Variants in DTX4 observed in about 807,000 individuals in gnomAD.
DTX4 encodes E3 ubiquitin-protein ligase DTX4.
In DTX4, 28 loss-of-function variants were observed where a neutral mutation model predicts 57.6. The ratio of observed to expected loss-of-function variants is 0.49; its 90% CI spans 0.36 to 0.67. The LOEUF is 0.67. Ranked by LOEUF, DTX4 falls within the 30% of genes least tolerant of loss-of-function variation. The pLI is 0.00. For missense variants in DTX4, 715 were observed against 836.8 expected (o/e 0.85, Z 1.80); for synonymous variants, 316 against 331.0 (o/e 0.95, Z 0.49).
Position 59,207,220 on chromosome 11 carries a change from T to C in DTX4, c.*2311T>C, listed in dbSNP as rs1055879465. The C allele has an allele frequency of 6.6e-6, 1 of 152,312 alleles. No homozygotes were observed. Among genetic ancestry groups the C allele is most frequent in the Middle Eastern group, 3.4e-3 (1 of 294 alleles). 9.4% of individuals were successfully genotyped at this position (152,312 alleles called of 1,614,324 possible). A position where few individuals can be genotyped will look rare whatever the true frequency, so the allele number is the denominator to read the frequency against. On this transcript the variant is annotated 3_prime_UTR_variant, in exon 9 of 9. Transcript: ENST00000227451. ...AGACTTTCAAAATGGAATTAGGCACTGGGGAGAGATCAGTTTCCCCACATC... is the reference window on the plus strand; with the variant it reads ...AGACTTTCAAAATGGAATTAGGCACCGGGGAGAGATCAGTTTCCCCACATC...
In DTX4 at chr11:59,189,190, G is replaced by C; in HGVS notation, c.1026G>C (p.Ala342=). The C allele has an allele frequency of 6.2e-7, 1 of 1,613,642 alleles. No individual in the cohort carries two copies. Among genetic ancestry groups the C allele is most frequent in the Non-Finnish European group, 8.5e-7 (1 of 1,179,862 alleles). The part of the protein sequence containing the change: ...AGITGILMSA[A]GLPVCLTRPP... Reference sequence around the variant, plus strand: ...TCACTGGGATCCTCATGAGTGCAGCGGGGCTGCCTGTGTGTCTCACCAGGC... The same window carrying C: ...TCACTGGGATCCTCATGAGTGCAGCCGGGCTGCCTGTGTGTCTCACCAGGC... The change falls in exon 4 of 9, where the codon GCG becomes GCC. Residue 342 remains alanine (A), a synonymous_variant. Transcript: ENST00000227451.
chr11:59,172,531 C>G lies in DTX4; in HGVS notation c.-65C>G. On this transcript the variant is annotated 5_prime_UTR_variant, in exon 1 of 9. Transcript: ENST00000227451. ...CCGGAGGCGGCGGCGCAGGAGGAAG[C>G]GGAGGAGGTCGGGCGCTCGGGGCCC... 3 of 1,139,084 alleles carry G rather than the reference C, an allele frequency of 2.6e-6. No individual in the cohort carries two copies. The highest frequency in any genetic ancestry group is 3.4e-6 in the Non-Finnish European group (3 of 890,308). 70.6% of individuals were successfully genotyped at this position (1,139,084 alleles called of 1,614,324 possible).
At chr11:59,195,179 AT>A in intron 6 of DTX4, 28 bp from the exon 7 acceptor site, 1 of 1,613,606 alleles carries the variant, frequency 6.2e-7, no homozygotes, top group Non-Finnish European at 8.5e-7. Flanking sequence ...CTGTTTCCCA[AT>A]CTGGCTCTTC....
rs766052306 is a variant in DTX4, at chr11:59,182,353, A to C, written c.826A>C (p.Ser276Arg). ...PTGTTMGSPA[S>R]PPGPNSKTGR... Reference sequence around the variant, plus strand: ...TGGGACAACCATGGGCTCTCCTGCCAGTCCCCCAGGACCCAACAGCAAGAC... The same window carrying C: ...TGGGACAACCATGGGCTCTCCTGCCCGTCCCCCAGGACCCAACAGCAAGAC... The change falls in exon 2 of 9, where the codon AGT becomes CGT. Residue 276 changes from serine to arginine, a missense_variant. Coordinates refer to ENST00000227451, the MANE Select transcript of DTX4 (RefSeq NM_015177.2). 2 of 1,613,654 alleles carry C rather than the reference A, an allele frequency of 1.2e-6. No individual in the cohort carries two copies. The highest frequency in any genetic ancestry group is 1.7e-6 in the Non-Finnish European group (2 of 1,179,866).
chr11:59,184,168 C>T (rs1229695325), intron 2 of DTX4, among the ~76,000 whole-genome samples: 3 of 152,172 alleles, frequency 2.0e-5, no homozygotes, highest in African/African-American at 7.2e-5. Flanking sequence ...TTAATTTCTC[C>T]CCGATTTCAC....
At chr11:59,186,253 A>C (rs1862526893) in intron 2 of DTX4, among the ~76,000 whole-genome samples, 2 of 151,946 alleles carry the variant, frequency 1.3e-5, no homozygotes, top group Admixed American at 6.6e-5. Context: ...CTTGCCCCTG[A>C]GTTCTTGAGC....
In DTX4 at chr11:59,182,333, C is replaced by A. The variant is rs370051674; in HGVS notation, c.806C>A (p.Thr269Lys). The change falls in exon 2 of 9, where the codon ACA becomes AAA. Residue 269 changes from threonine to lysine, a missense_variant. By Grantham distance (78) the Thr-to-Lys change is moderately conservative. Transcript: ENST00000227451. ...RRQASSMPTGTTMGSPASPPG... is the reference protein window; with the variant it reads ...RRQASSMPTGKTMGSPASPPG... ...CAAGCCTCCAGCATGCCCACTGGGA[C>A]AACCATGGGCTCTCCTGCCAGTCCC... 6.2e-7 allele frequency: 1 copy of A among 1,612,944 alleles called. No homozygotes were observed. Among genetic ancestry groups the A allele is most frequent in the Non-Finnish European group, 8.5e-7 (1 of 1,179,840 alleles).
chr11:59,189,556 T>TA (rs1862571083), intron 4 of DTX4, among the ~76,000 whole-genome samples: 1 of 152,122 alleles, frequency 6.6e-6, no homozygotes, highest in Non-Finnish European at 1.5e-5. Context: ...TATAGAAACA[T>TA]AAAAATATAA....
In DTX4 at chr11:59,181,760, G is replaced by C. The variant is rs781563130; in HGVS notation, c.233G>C (p.Arg78Pro). 9.3e-6 allele frequency: 15 copies of C among 1,607,590 alleles called. No individual in the cohort carries two copies. The Admixed American group carries it at 2.3e-4, about 25-fold the overall frequency. Residue 78 changes from arginine to proline, a missense_variant, in exon 2 of 9, where the codon CGC becomes CCC. Coordinates refer to ENST00000227451, the MANE Select transcript of DTX4 (RefSeq NM_015177.2). ...QDTGTLRPVR[R>P]NYYDPSSAPG... ...GCAGGAACTCTCCGCCCAGTTCGCC[G>C]CAACTACTACGACCCCTCCTCGGCC...
Position 59,197,827 on chromosome 11 carries a change from G to A in DTX4, c.1537-1857G>A, listed in dbSNP as rs7952261. Among the ~76,000 whole-genome samples the A allele has an allele frequency of 4.6e-3, 703 of 152,280 alleles. 6 individuals carry two copies. Among genetic ancestry groups the A allele is most frequent in the African/African-American group, 0.016 (680 of 41,546 alleles). ...ACAGGACTTGGGAGAAACAGACGAT[G>A]TTCTGGTGAGCAGTAGAACAGACTG... On this transcript the variant is annotated intron_variant, in intron 7 of 8. Transcript: ENST00000227451.
In DTX4 at chr11:59,182,160, C is replaced by T. The variant is rs753685577; in HGVS notation, c.633C>T (p.Pro211=). The change falls in exon 2 of 9, where the codon CCC becomes CCT. Residue 211 remains proline (P), a synonymous_variant. Coordinates refer to ENST00000227451, the MANE Select transcript of DTX4 (RefSeq NM_015177.2). ...KAAVVNGSTG[P]LQLPVTRKNM... is the part of the protein sequence containing the mutation. Reference sequence around the variant, plus strand: ...CCGTGGTCAATGGCAGCACTGGGCCCCTACAGCTGCCAGTGACCCGCAAGA... The same window carrying T: ...CCGTGGTCAATGGCAGCACTGGGCCTCTACAGCTGCCAGTGACCCGCAAGA... The T allele has an allele frequency of 2.5e-6, 4 of 1,613,036 alleles. No individual in the cohort carries two copies. The highest frequency in any genetic ancestry group is 3.4e-6 in the Non-Finnish European group (4 of 1,179,660).
At chr11:59,174,432 A>T (rs985895724) in intron 1 of DTX4, among the ~76,000 whole-genome samples, 10 of 148,272 alleles carry the variant, frequency 6.7e-5, no homozygotes, top group African/African-American at 2.0e-4. Flanking sequence ...GAGCTGAGCC[A>T]CGGAGGTGGG....
chr11:59,191,987 G>A (rs891046788), intron 5 of DTX4, 111 bp from the exon 6 acceptor site: 7 of 1,239,770 alleles, frequency 5.6e-6, no homozygotes, highest in African/African-American at 1.5e-5. Flanking sequence ...TGATTTGTGG[G>A]TGTTTTAGAA....
At chr11:59,194,562 A>G (rs1033517120) in intron 6 of DTX4, among the ~76,000 whole-genome samples, 7 of 152,210 alleles carry the variant, frequency 4.6e-5, no homozygotes, top group Admixed American at 4.6e-4. Flanking sequence ...ATCTTCCTAT[A>G]GATTATCTCA....
chr11:59,177,888 T>C (rs1862415079), intron 1 of DTX4, among the ~76,000 whole-genome samples: 1 of 152,236 alleles, frequency 6.6e-6, no homozygotes, highest in Non-Finnish European at 1.5e-5. Flanking sequence ...TTGGAGTGCC[T>C]AGGACATGCA....
At chr11:59,174,123 T>C (rs1363567213) in intron 1 of DTX4, among the ~76,000 whole-genome samples, 4 of 152,138 alleles carry the variant, frequency 2.6e-5, no homozygotes, top group Non-Finnish European at 5.9e-5. Flanking sequence ...TGTCCCCATC[T>C]TTAGTCATAA....
intron 8 of DTX4, among the ~76,000 whole-genome samples, chr11:59,200,703 G>A (rs571051300): frequency 3.3e-4 from 50 of 152,316 alleles, no homozygotes; most frequent in African/African-American, 1.2e-3. Flanking sequence ...GTGGTTCTAT[G>A]AACTCTAAAA....
At chr11:59,181,561 C>T (rs1387385706) in intron 1 of DTX4, among the ~76,000 whole-genome samples, 178 bp from the exon 2 acceptor site, 1 of 152,218 alleles carries the variant, frequency 6.6e-6, no homozygotes, top group Non-Finnish European at 1.5e-5. Context: ...GGACTATAGA[C>T]ATCTTAAAGG....
intron 5 of DTX4, 91 bp downstream of exon 5, chr11:59,191,266 G>A: frequency 2.3e-6 from 3 of 1,327,832 alleles, no homozygotes; most frequent in Admixed American, 2.1e-5. Flanking sequence ...ATATGGCGGG[G>A]GCTGCATTCC....
Sources: gnomAD v4.1 joint callset for allele counts (sites outside exome capture counted in the v4.1 genomes callset) on GRCh38, gnomAD v4.1.1 for gene constraint, MANE v1.5 for transcripts, NCBI Gene and HGNC (gene_info 2026-07-23, HGNC 2026-07-21) for gene names.